The following CREB5 variants were observed in gnomAD, a reference collection of about 807,000 sequenced individuals.
CREB5 encodes cyclic AMP-responsive element-binding protein 5.
A neutral mutation model predicts 57.1 loss-of-function variants in CREB5; 19 were observed. That is an observed-to-expected ratio of 0.33 (90% confidence interval 0.23 to 0.49). The LOEUF (loss-of-function observed/expected upper bound fraction) is 0.49, where lower values mean the gene tolerates loss of function less well. CREB5 is among the 20% of genes least tolerant of loss of function. The pLI is 0.99. For synonymous variants in CREB5, 238 were observed against 238.3 expected, an observed-to-expected ratio of 1.00 and a Z score of 0.01; for missense variants, 579 against 671.6, an observed-to-expected ratio of 0.86 and a Z score of 1.52.
chr7:28,749,563 T>C (rs1804866410), intron 7 of CREB5: 1 of 152,230 alleles, frequency 6.6e-6, no homozygotes, highest in South Asian at 2.1e-4. Flanking sequence ...ATACTTCAAA[T>C]TGTGAAGCAG....
At chr7:28,687,180 G>A (rs1389256852) in intron 5 of CREB5, among the ~76,000 whole-genome samples, 2 of 152,134 alleles carry the variant, frequency 1.3e-5, no homozygotes, top group African/African-American at 4.8e-5. Context: ...AACAGCAATT[G>A]TGCATTTGCT....
intron 1 of CREB5, among the ~76,000 whole-genome samples, chr7:28,338,694 C>T (rs570126548): frequency 3.9e-4 from 60 of 152,162 alleles, no homozygotes; most frequent in African/African-American, 1.4e-3. Context: ...GTTATTATTG[C>T]TTTGAATAAA....
At chr7:28,494,874 C>T (rs770744190) in intron 2 of CREB5, 32 bp from the exon 3 acceptor site, 8 of 1,383,724 alleles carry the variant, frequency 5.8e-6, no homozygotes, top group African/African-American at 2.1e-5. Flanking sequence ...GGCTCCTCTT[C>T]TCCCCTCCCT....
chr7:28,370,430 T>G (rs1390810081), intron 1 of CREB5, among the ~76,000 whole-genome samples: 1 of 152,062 alleles, frequency 6.6e-6, no homozygotes, highest in Non-Finnish European at 1.5e-5. Flanking sequence ...CTCATAAAGG[T>G]GAGGTGTTTG....
intron 1 of CREB5, among the ~76,000 whole-genome samples, chr7:28,402,706 A>G (rs1292757989): frequency 6.6e-6 from 1 of 152,244 alleles, no homozygotes; most frequent in African/African-American, 2.4e-5. Flanking sequence ...TGTTAGGCCT[A>G]AAACCATAAA....
chr7:28,617,583 C>G (rs1797637848), intron 5 of CREB5, among the ~76,000 whole-genome samples: 1 of 152,180 alleles, frequency 6.6e-6, no homozygotes, highest in African/African-American at 2.4e-5. Flanking sequence ...ACAGTTCTCA[C>G]CTCTGAAACT....
intron 1 of CREB5, among the ~76,000 whole-genome samples, chr7:28,338,036 T>C (rs1018022952): frequency 2.6e-5 from 4 of 152,140 alleles, no homozygotes; most frequent in Non-Finnish European, 5.9e-5. Flanking sequence ...ACTTTTTAAC[T>C]TTATGTTGTT....
intron 1 of CREB5, among the ~76,000 whole-genome samples, chr7:28,442,025 G>A (rs908161614): frequency 1.1e-4 from 17 of 152,058 alleles, no homozygotes; most frequent in African/African-American, 2.9e-4. Context: ...CTATAGTGCC[G>A]TGGAACACCA....
At chr7:28,497,185 C>T (rs912359715) in intron 3 of CREB5, among the ~76,000 whole-genome samples, 1 of 152,216 alleles carries the variant, frequency 6.6e-6, no homozygotes, top group Non-Finnish European at 1.5e-5. Context: ...GACAGAGCAG[C>T]CTTTCAGGCA....
At chr7:28,379,098 T>C (rs999622260) in intron 1 of CREB5, among the ~76,000 whole-genome samples, 7 of 152,244 alleles carry the variant, frequency 4.6e-5, no homozygotes, top group Non-Finnish European at 7.3e-5. Flanking sequence ...TTTCATGGCT[T>C]TCTGAAAATT....
intron 5 of CREB5, among the ~76,000 whole-genome samples, chr7:28,688,885 T>G (rs17729154): frequency 0.17 from 25,912 of 152,078 alleles, 2,804 homozygotes; most frequent in Middle Eastern, 0.25. Context: ...TTACAATTTA[T>G]GTCGACTTGG....
chr7:28,691,419 CCAAAAAAAAAAAAA>C (rs1290697532), intron 5 of CREB5, among the ~76,000 whole-genome samples: 10 of 92,004 alleles, frequency 1.1e-4, no homozygotes, highest in African/African-American at 4.1e-4. Context: ...GACTCTGTCT[CCAAAAAAAAAAAAA>C]AAAAAAAAGT....
chr7:28,339,930 C>T (rs758298894), intron 1 of CREB5, among the ~76,000 whole-genome samples: 3 of 152,204 alleles, frequency 2.0e-5, no homozygotes, highest in Admixed American at 6.5e-5. Flanking sequence ...CACAGGCCCA[C>T]GGGCAGTACT....
In CREB5 at chr7:28,325,279, C is replaced by A. The variant is rs570680571; in HGVS notation, c.-25+25838C>A. ...AGACCATCTGGCTAACACGGTGAAA[C>A]CCCGTCTCTACTAAAACTACAAAAA... is the stretch of plus-strand genomic sequence containing the variant. On this transcript the variant is annotated intron_variant, in intron 1 of 9. Coordinates refer to the CREB5 transcript ENST00000396299. Among the ~76,000 whole-genome samples the A allele has an allele frequency of 7.6e-4, 115 of 152,230 alleles. No individual in the cohort carries two copies. In the South Asian group the frequency reaches 0.012, roughly 16 times the overall value.
intron 5 of CREB5, among the ~76,000 whole-genome samples, chr7:28,703,167 A>G (rs901321304): frequency 6.6e-6 from 1 of 152,226 alleles, no homozygotes; most frequent in Non-Finnish European, 1.5e-5. Flanking sequence ...TTTGGATAGA[A>G]GAAGAGCAAA....
chr7:28,810,948 GTGT>G (rs1809080392), intron 9 of CREB5, among the ~76,000 whole-genome samples: 1 of 152,148 alleles, frequency 6.6e-6, no homozygotes. Flanking sequence ...CCCCCTAAAT[GTGT>G]CATTCTTTTT....
At chr7:28,300,265 C>T (rs576294391) in intron 1 of CREB5, among the ~76,000 whole-genome samples, 1 of 152,202 alleles carries the variant, frequency 6.6e-6, no homozygotes, top group South Asian at 2.1e-4. Context: ...CACATTTACA[C>T]ACTGACTGAA....
intron 1 of CREB5, among the ~76,000 whole-genome samples, chr7:28,471,521 A>G (rs920647213): frequency 2.0e-5 from 3 of 152,102 alleles, no homozygotes; most frequent in Non-Finnish European, 4.4e-5. Context: ...GAACCCATAT[A>G]CTCTAAAACA....
chr7:28,390,799 G>A (rs1331618813), intron 1 of CREB5, among the ~76,000 whole-genome samples: 3 of 151,838 alleles, frequency 2.0e-5, no homozygotes, highest in African/African-American at 4.8e-5. Flanking sequence ...ATGCTCTGAA[G>A]GAAAAAAAAT....
Sources: gnomAD v4.1 joint callset for allele counts (sites outside exome capture counted in the v4.1 genomes callset) on GRCh38, gnomAD v4.1.1 for gene constraint, MANE v1.5 for transcripts, NCBI Gene and HGNC (gene_info 2026-07-23, HGNC 2026-07-21) for gene names.